Variants in CASD1 observed in about 807,000 individuals in gnomAD.
CASD1 encodes the protein CAS1 domain sialic acid O acetyltransferase 1, also known as N-acetylneuraminate (7)9-O-acetyltransferase.
Under a neutral mutation model 100.0 loss-of-function variants are expected in CASD1, and 41 were observed. The observed-to-expected ratio is 0.41, with a 90% CI of 0.32 to 0.53. The LOEUF (loss-of-function observed/expected upper bound fraction) is 0.53. Ranked by LOEUF, CASD1 falls within the 20% of genes least tolerant of loss-of-function variation. CASD1 has a pLI of 0.25. For missense variants in CASD1, 774 were observed against 948.7 expected (o/e 0.82, Z 2.42); for synonymous variants, 321 against 315.6 (o/e 1.02, Z -0.18).
chr7:94,633,314 A>G, the CASD1 span, among the ~76,000 whole-genome samples: 1 of 152,148 alleles, frequency 6.6e-6, no homozygotes, highest in Non-Finnish European at 1.5e-5. Flanking sequence ...TAGCAAGCAT[A>G]GCTAGATTTA....
intron 5 of CASD1, among the ~76,000 whole-genome samples, chr7:94,528,769 T>C (rs1232773435): frequency 6.6e-6 from 1 of 152,168 alleles, no homozygotes; most frequent in African/African-American, 2.4e-5. Context: ...CTCAGAAAAC[T>C]CCTAAGTTCT....
chr7:94,599,283 GC>G, the CASD1 span: 6 of 290,954 alleles, frequency 2.1e-5, no homozygotes, highest in African/African-American at 1.3e-4. Context: ...AACTACCATA[GC>G]TTTTATATTT....
downstream of CASD1, among the ~76,000 whole-genome samples, chr7:94,560,452 G>A (rs1159710604): frequency 8.5e-5 from 13 of 152,152 alleles, no homozygotes; most frequent in Non-Finnish European, 1.9e-4. Flanking sequence ...AAGGCACATG[G>A]AACTGGAGCC....
chr7:94,611,607 C>G, the CASD1 span, among the ~76,000 whole-genome samples: 1 of 151,886 alleles, frequency 6.6e-6, no homozygotes, highest in Non-Finnish European at 1.5e-5. Flanking sequence ...CTAAAAGTCA[C>G]GATTTAAAAT....
chr7:94,586,078 A>AAC, the CASD1 span, among the ~76,000 whole-genome samples: 5 of 150,210 alleles, frequency 3.3e-5, no homozygotes, highest in African/African-American at 7.3e-5. Context: ...AAAAAAAAAA[A>AAC]AAAAAAAAAC....
At position 94,555,778 on chromosome 7, in the gene CASD1, A is replaced by T; in HGVS notation, c.*20A>T. The T allele has an allele frequency of 6.2e-7, 1 of 1,602,934 alleles. No homozygotes were observed. Among genetic ancestry groups the T allele is most frequent in the Non-Finnish European group, 8.5e-7 (1 of 1,175,780 alleles). ...CATTAGGTTCCAAAAATTCTAAAAA[A>T]CCTAAACTCTTCAGGCTACCTTTGT... is the stretch of plus-strand genomic sequence containing the variant. On this transcript the variant is annotated 3_prime_UTR_variant, in exon 18 of 18. Transcript: ENST00000297273.
At chr7:94,586,061 GAAAAA>G in the CASD1 span, among the ~76,000 whole-genome samples, 6 of 28,904 alleles carry the variant, frequency 2.1e-4, no homozygotes, top group Non-Finnish European at 3.5e-4. Flanking sequence ...GGAACTAAAT[GAAAAA>G]AAAAAAAAAA....
At chr7:94,616,976 G>A in the CASD1 span, 1 of 152,152 alleles carries the variant, frequency 6.6e-6, no homozygotes, top group African/African-American at 2.4e-5. Context: ...TAAATGCCAC[G>A]GGACTGATTC....
At chr7:94,527,227 GC>G (rs1193829512) in intron 4 of CASD1, 21 bp downstream of exon 4, 1 of 1,561,320 alleles carries the variant, frequency 6.4e-7, no homozygotes, top group Non-Finnish European at 8.8e-7. Flanking sequence ...GTAATAGTAA[GC>G]TAGATGTTAC....
chr7:94,528,069 C>T, intron 4 of CASD1, 119 bp from the exon 5 acceptor site: 1 of 699,860 alleles, frequency 1.4e-6, no homozygotes, highest in Non-Finnish European at 2.4e-6. Flanking sequence ...TTGAAGATGT[C>T]TTGGACAAGG....
At chr7:94,542,870 T>C (rs952099565) in intron 10 of CASD1, among the ~76,000 whole-genome samples, 5 of 152,204 alleles carry the variant, frequency 3.3e-5, no homozygotes, top group Non-Finnish European at 7.3e-5. Flanking sequence ...TACACCCTCA[T>C]TGAAAATTTC....
the CASD1 span, among the ~76,000 whole-genome samples, chr7:94,613,238 T>A: frequency 0.076 from 11,556 of 152,320 alleles, 524 homozygotes; most frequent in East Asian, 0.17. Flanking sequence ...TTGAACACAC[T>A]GGCTTTTAAA....
the CASD1 span, among the ~76,000 whole-genome samples, chr7:94,583,690 G>A: frequency 6.6e-6 from 1 of 152,114 alleles, no homozygotes; most frequent in Non-Finnish European, 1.5e-5. Context: ...AAAATGTACA[G>A]AACCACTACA....
chr7:94,570,474 A>G, the CASD1 span, among the ~76,000 whole-genome samples: 1 of 152,064 alleles, frequency 6.6e-6, no homozygotes, highest in Non-Finnish European at 1.5e-5. Context: ...GCCCAATAAT[A>G]TAGATTTATG....
intron 15 of CASD1, 97 bp from the exon 16 acceptor site, chr7:94,552,253 A>G: frequency 2.5e-6 from 2 of 788,618 alleles, no homozygotes; most frequent in Non-Finnish European, 4.2e-6. Flanking sequence ...ATGAAGTATA[A>G]TGTTATAAAT....
rs1286893414 is a variant in CASD1 at position 94,555,629 on chromosome 7, C to T, written c.2265C>T (p.Ile755=). Residue 755 remains isoleucine (I), a synonymous_variant, in exon 18 of 18, where the codon ATC becomes ATT. Coordinates refer to ENST00000297273, the MANE Select transcript of CASD1 (RefSeq NM_022900.5). The part of the protein sequence containing the change: ...FVCVAHEISQ[I]TNDLAQIIIP... ...GTGTGGCACATGAAATTTCTCAGAT[C>T]ACTAATGATCTTGCACAGATTATTA... 1 of 1,613,410 alleles carries T rather than the reference C, an allele frequency of 6.2e-7. No individual in the cohort carries two copies. Among genetic ancestry groups the T allele is most frequent in the Non-Finnish European group, 8.5e-7 (1 of 1,179,670 alleles).
the CASD1 span, chr7:94,626,120 T>A: frequency 6.6e-6 from 1 of 152,096 alleles, no homozygotes; most frequent in Non-Finnish European, 1.5e-5. Flanking sequence ...TGTCTCCTCT[T>A]TAGTGAAATA....
At chr7:94,628,053 G>A in the CASD1 span, 1 of 606,950 alleles carries the variant, frequency 1.6e-6, no homozygotes, top group African/African-American at 1.9e-5. Flanking sequence ...ATTTCCAAAT[G>A]TTATCTACTG....
downstream of CASD1, among the ~76,000 whole-genome samples, chr7:94,559,830 T>A (rs1387868009): frequency 1.3e-5 from 2 of 152,110 alleles, no homozygotes; most frequent in Non-Finnish European, 2.9e-5. Flanking sequence ...CAGCCAAAAA[T>A]GTATTAAAAT....
Sources: allele counts gnomAD v4.1 joint callset (sites outside exome capture counted in the v4.1 genomes callset), GRCh38; gene constraint gnomAD v4.1.1; transcripts MANE v1.5; gene names NCBI Gene and HGNC (gene_info 2026-07-23, HGNC 2026-07-21).